Variants in PLXNA2 observed in about 807,000 individuals in gnomAD.
PLXNA2 encodes plexin-A2.
A neutral mutation model predicts 193.5 loss-of-function variants in PLXNA2; 91 were observed. That is an observed-to-expected ratio of 0.47 (90% CI 0.40 to 0.56). The LOEUF (loss-of-function observed/expected upper bound fraction) is 0.56, where lower values mean the gene tolerates loss of function less well. Among genes scored for constraint, PLXNA2 ranks in the 20% least tolerant of loss-of-function variants. PLXNA2 has a pLI of 0.00. For synonymous variants in PLXNA2, 997 were observed against 1,027.3 expected (o/e 0.97, Z 0.56); for missense variants, 1,995 against 2,503.2 (o/e 0.80, Z 4.33).
intron 1 of PLXNA2, among the ~76,000 whole-genome samples, chr1:208,225,192 G>C (rs1372970842): frequency 6.6e-6 from 1 of 152,224 alleles, no homozygotes; most frequent in Non-Finnish European, 1.5e-5. Context: ...AAGAAAGCGA[G>C]GGATTGAGTT....
chr1:208,140,559 A>G (rs1018305869), intron 4 of PLXNA2, among the ~76,000 whole-genome samples: 1 of 152,158 alleles, frequency 6.6e-6, no homozygotes, highest in Admixed American at 6.6e-5. Context: ...TTATCCACCA[A>G]TATAGGTTGT....
At chr1:208,050,863 A>G (rs1665235727) in intron 17 of PLXNA2, 146 bp downstream of exon 17, 1 of 633,184 alleles carries the variant, frequency 1.6e-6, no homozygotes, top group Non-Finnish European at 2.8e-6. Flanking sequence ...AGGTATTTGG[A>G]CCATGATTCC....
intron 4 of PLXNA2, among the ~76,000 whole-genome samples, chr1:208,137,875 C>T (rs2102477262): frequency 6.6e-6 from 1 of 152,132 alleles, no homozygotes; most frequent in South Asian, 2.1e-4. Flanking sequence ...AATGTAAGAC[C>T]AGAGACTTGG....
intron 3 of PLXNA2, among the ~76,000 whole-genome samples, chr1:208,181,723 G>A (rs1423361049): frequency 1.3e-5 from 2 of 152,188 alleles, no homozygotes; most frequent in Non-Finnish European, 2.9e-5. Context: ...CTGTAGACCA[G>A]GCCGTTGTGG....
At chr1:208,092,359 G>A (rs1441215417) in intron 9 of PLXNA2, among the ~76,000 whole-genome samples, 1 of 152,176 alleles carries the variant, frequency 6.6e-6, no homozygotes, top group East Asian at 1.9e-4. Context: ...TTTAGAGTTG[G>A]AAGAGAAGTT....
At chr1:208,124,938 G>A (rs147057381) in intron 4 of PLXNA2, among the ~76,000 whole-genome samples, 69 of 152,282 alleles carry the variant, frequency 4.5e-4, no homozygotes, top group Middle Eastern at 6.8e-3. Flanking sequence ...CAGAAGCTCA[G>A]AGAATGGGGT....
intron 5 of PLXNA2, among the ~76,000 whole-genome samples, chr1:208,102,837 A>G (rs1667138846): frequency 6.6e-6 from 1 of 152,164 alleles, no homozygotes. Flanking sequence ...TTTTGGGGAA[A>G]CCTAAAGACT....
chr1:208,222,897 A>T (rs1671384577), intron 1 of PLXNA2, among the ~76,000 whole-genome samples: 1 of 152,130 alleles, frequency 6.6e-6, no homozygotes. Context: ...TCCATTCCTA[A>T]CAACCCTGTC....
intron 13 of PLXNA2, among the ~76,000 whole-genome samples, chr1:208,056,401 A>C (rs995561150): frequency 3.3e-5 from 5 of 152,264 alleles, no homozygotes; most frequent in Admixed American, 2.6e-4. Context: ...AAATCATCAC[A>C]GGCTTGAAGT....
intron 3 of PLXNA2, among the ~76,000 whole-genome samples, chr1:208,175,004 G>T (rs74153094): frequency 0.025 from 3,776 of 152,248 alleles, 160 homozygotes; most frequent in African/African-American, 0.085. Context: ...GCCTCTGGGG[G>T]AGCTGGGACA....
rs560255438 is a variant in PLXNA2, at chr1:208,055,797, C to T, written c.2739-1259G>A. On this transcript the variant is annotated intron_variant, in intron 13 of 31. Transcript: ENST00000367033. Reference sequence around the variant, plus strand: ...ACGCTGCATGCTCACACACATGGCACGCCACTGATCTCCATCTCCTTCATA... The same window carrying T: ...ACGCTGCATGCTCACACACATGGCATGCCACTGATCTCCATCTCCTTCATA... 4.6e-5 allele frequency among the ~76,000 whole-genome samples: 7 copies of T among 152,312 alleles called. No homozygotes were observed. The East Asian group carries it at 9.6e-4, about 21-fold the overall frequency.
At chr1:208,111,064 T>C (rs1667457673) in intron 4 of PLXNA2, among the ~76,000 whole-genome samples, 1 of 152,066 alleles carries the variant, frequency 6.6e-6, no homozygotes, top group South Asian at 2.1e-4. Flanking sequence ...AAGGGATTTT[T>C]TTTTAAACGA....
At chr1:208,242,778 C>G (rs1672102178) in intron 1 of PLXNA2, among the ~76,000 whole-genome samples, 1 of 152,174 alleles carries the variant, frequency 6.6e-6, no homozygotes. Flanking sequence ...ATGGTAGTTT[C>G]TGGTGACTCT....
intron 12 of PLXNA2, among the ~76,000 whole-genome samples, chr1:208,065,715 C>G (rs1190536322): frequency 6.6e-6 from 1 of 152,178 alleles, no homozygotes; most frequent in Non-Finnish European, 1.5e-5. Context: ...TGGAGAATGC[C>G]CGAAGCCTGA....
chr1:208,153,581 T>C (rs1668836701), intron 3 of PLXNA2, among the ~76,000 whole-genome samples: 1 of 152,170 alleles, frequency 6.6e-6, no homozygotes, highest in South Asian at 2.1e-4. Flanking sequence ...AGGAGGAAAG[T>C]AGTATAAACA....
intron 5 of PLXNA2, among the ~76,000 whole-genome samples, chr1:208,100,365 A>G (rs112967824): frequency 0.023 from 3,434 of 152,262 alleles, 56 homozygotes; most frequent in Admixed American, 0.041. Flanking sequence ...CAAAGAAAAA[A>G]AAAAGGAGGA....
chr1:208,182,289 C>G (rs536592500), intron 3 of PLXNA2, among the ~76,000 whole-genome samples: 12 of 152,178 alleles, frequency 7.9e-5, no homozygotes, highest in Middle Eastern at 3.4e-3. Flanking sequence ...AAAAATTAGC[C>G]GGGCATGGTG....
chr1:208,044,672 G>C lies in PLXNA2; in HGVS notation c.3710C>G (p.Pro1237Arg). The C allele has an allele frequency of 6.2e-7, 1 of 1,614,158 alleles. No individual in the cohort carries two copies. Among genetic ancestry groups the C allele is most frequent in the Non-Finnish European group, 8.5e-7 (1 of 1,180,026 alleles). ...GCCGGCCGCGATGCTGACGATGGCT[G>C]GCAGGGTCAGCAAGCTGTCTGAGAT... ...SVISDSLLTL[P>R]AIVSIAAGGS... Residue 1237 changes from proline to arginine, a missense_variant, in exon 20 of 32, where the codon CCA (proline) becomes CGA (arginine). Coordinates refer to ENST00000367033, the MANE Select transcript of PLXNA2 (RefSeq NM_025179.4). The surrounding 1 kb of genome is among the most constrained non-coding windows in gnomAD (Gnocchi z 4.9).
At chr1:208,035,205 T>G (rs188380399) in intron 26 of PLXNA2, among the ~76,000 whole-genome samples, 96 of 152,240 alleles carry the variant, frequency 6.3e-4, no homozygotes, top group African/African-American at 2.3e-3. Flanking sequence ...ATAGGGAGGC[T>G]AAGCAACCTC....
Sources: allele counts gnomAD v4.1 joint callset (sites outside exome capture counted in the v4.1 genomes callset), GRCh38; gene constraint gnomAD v4.1.1; non-coding constraint Gnocchi (gnomAD v3.1); transcripts MANE v1.5; gene names NCBI Gene and HGNC (gene_info 2026-07-23, HGNC 2026-07-21).